HORMAD1: variants seen among roughly 807,000 people sequenced by gnomAD.
HORMAD1 encodes the protein HORMA domain-containing protein 1.
In HORMAD1, 33 loss-of-function variants were observed where a neutral mutation model predicts 58.2. That is an observed-to-expected ratio of 0.57 (90% CI 0.43 to 0.76). The LOEUF (loss-of-function observed/expected upper bound fraction) is 0.76. Among genes scored for constraint, HORMAD1 ranks in the 30% least tolerant of loss-of-function variants. The probability of loss-of-function intolerance (pLI) is 0.00; values close to 1 mark genes in which losing one functional copy is unlikely to be tolerated. For synonymous variants in HORMAD1, 137 were observed against 144.6 expected, an observed-to-expected ratio of 0.95 and a Z score of 0.38; for missense variants, 363 against 462.0, an observed-to-expected ratio of 0.79 and a Z score of 1.96.
chr1:150,700,692 C>T (rs969292061), intron 13 of HORMAD1, among the ~76,000 whole-genome samples: 2 of 152,166 alleles, frequency 1.3e-5, no homozygotes, highest in Non-Finnish European at 2.9e-5. Flanking sequence ...CCAGTTCTGA[C>T]TTTCAAATGA....
intron 6 of HORMAD1, 23 bp downstream of exon 6, chr1:150,711,810 A>G: frequency 6.5e-7 from 1 of 1,547,220 alleles, no homozygotes; most frequent in South Asian, 1.1e-5. Context: ...TAAAAAAAGA[A>G]CACACAATTT....
intron 12 of HORMAD1, 102 bp from the exon 13 acceptor site, chr1:150,703,495 T>A: frequency 1.6e-6 from 1 of 634,078 alleles, no homozygotes; most frequent in Non-Finnish European, 2.7e-6. Flanking sequence ...AAATTTAGGG[T>A]CTTGTCAAGT....
intron 5 of HORMAD1, among the ~76,000 whole-genome samples, chr1:150,713,062 T>C (rs587642169): frequency 6.6e-6 from 1 of 152,236 alleles, no homozygotes; most frequent in South Asian, 2.1e-4. Flanking sequence ...TTCTTTGCAT[T>C]TGCTGCTCTG....
chr1:150,703,852 A>G (rs1651606697), intron 12 of HORMAD1, among the ~76,000 whole-genome samples: 1 of 152,226 alleles, frequency 6.6e-6, no homozygotes, highest in South Asian at 2.1e-4. Context: ...GCAGGGTGGA[A>G]TAAATAACTG....
Position 150,708,948 on chromosome 1 carries a change from C to T in HORMAD1, c.341G>A (p.Cys114Tyr). Reference protein sequence around the residue: ...NPEDPQTISECYQFKFKYTNN... With the variant: ...NPEDPQTISEYYQFKFKYTNN... ...GGTGTATTTGAATTTGAATTGGTAA[C>T]ATTCTGAAATTGTCTTAAATAGAAA... The change falls in exon 8 of 15, where the codon TGT (cysteine) becomes TAT (tyrosine). Residue 114 changes from cysteine (C) to tyrosine (Y), a missense_variant. By Grantham distance (194) the Cys-to-Tyr change is radical. This residue lies in a region of HORMAD1 where 128 missense variants were observed against 171.8 expected (regional missense o/e 0.74). Transcript: ENST00000361824. The T allele has an allele frequency of 1.4e-6, 2 of 1,475,562 alleles. No individual in the cohort carries two copies. The highest frequency in any genetic ancestry group is 1.9e-6 in the Non-Finnish European group (2 of 1,054,134). 91.4% of individuals were successfully genotyped at this position (1,475,562 alleles called of 1,614,324 possible). A position where few individuals can be genotyped will look rare whatever the true frequency, so the allele number is the denominator to read the frequency against.
At chr1:150,717,563 G>T (rs1272887982) in intron 2 of HORMAD1, among the ~76,000 whole-genome samples, 1 of 151,820 alleles carries the variant, frequency 6.6e-6, no homozygotes, top group East Asian at 1.9e-4. Flanking sequence ...TATTGCCCAG[G>T]CTGGAGTGCA....
chr1:150,700,090 T>C (rs769318079), intron 14 of HORMAD1, 22 bp downstream of exon 14: 15 of 1,165,702 alleles, frequency 1.3e-5, no homozygotes, highest in East Asian at 1.2e-4. Context: ...GTATTCAAAC[T>C]ATACATTATC....
At chr1:150,702,619 T>C (rs1651570385) in intron 13 of HORMAD1, among the ~76,000 whole-genome samples, 1 of 152,068 alleles carries the variant, frequency 6.6e-6, no homozygotes, top group Non-Finnish European at 1.5e-5. Flanking sequence ...CTGGAAGCCA[T>C]TATCCTCAGC....
chr1:150,709,691 T>C (rs1404005424), intron 7 of HORMAD1, among the ~76,000 whole-genome samples: 1 of 151,776 alleles, frequency 6.6e-6, no homozygotes, highest in Non-Finnish European at 1.5e-5. Flanking sequence ...GCAGTTGAGA[T>C]AGAGGAAGGC....
chr1:150,709,884 T>G (rs773321417), intron 7 of HORMAD1, among the ~76,000 whole-genome samples: 1 of 152,246 alleles, frequency 6.6e-6, no homozygotes, highest in African/African-American at 2.4e-5. Flanking sequence ...CAAATCTGGC[T>G]TACGTGTACG....
At chr1:150,708,450 G>A (rs755881188) in intron 8 of HORMAD1, 43 bp from the exon 9 acceptor site, 2 of 1,290,108 alleles carry the variant, frequency 1.6e-6, no homozygotes, top group South Asian at 1.4e-5. Context: ...AAAACCTGTG[G>A]CTTCTAATAT....
intron 9 of HORMAD1, among the ~76,000 whole-genome samples, chr1:150,707,137 A>C (rs1651720636): frequency 6.6e-6 from 1 of 152,232 alleles, no homozygotes; most frequent in Non-Finnish European, 1.5e-5. Context: ...TGTTGAGAAG[A>C]GAACTGGCAC....
intron 13 of HORMAD1, among the ~76,000 whole-genome samples, chr1:150,702,748 G>C (rs1165689117): frequency 6.6e-6 from 1 of 152,154 alleles, no homozygotes; most frequent in South Asian, 2.1e-4. Context: ...CTGTCAGGGG[G>C]TTGGAGGGAG....
intron 9 of HORMAD1, among the ~76,000 whole-genome samples, chr1:150,707,208 C>T (rs1651722336): frequency 6.6e-6 from 1 of 152,128 alleles, no homozygotes; most frequent in Admixed American, 6.6e-5. Context: ...TTCTAGAAGA[C>T]ATGCATATAA....
At chr1:150,703,182 A>G in intron 13 of HORMAD1, 128 bp downstream of exon 13, 2 of 613,360 alleles carry the variant, frequency 3.3e-6, no homozygotes, top group Non-Finnish European at 5.8e-6. Context: ...CTAAGCACCT[A>G]GTAAAGTACC....
At chr1:150,708,691 C>T in intron 8 of HORMAD1, among the ~76,000 whole-genome samples, 1 of 152,192 alleles carries the variant, frequency 6.6e-6, no homozygotes, top group African/African-American at 2.4e-5. Flanking sequence ...AGTTCTCTTT[C>T]CACAATTAAA....
At chr1:150,706,133 T>C (rs1488313426) in intron 10 of HORMAD1, among the ~76,000 whole-genome samples, 3 of 152,286 alleles carry the variant, frequency 2.0e-5, no homozygotes, top group East Asian at 3.9e-4. Flanking sequence ...ACAGTGACTT[T>C]CCAGGCCCTA....
intron 14 of HORMAD1, 38 bp from the exon 15 acceptor site, chr1:150,698,772 C>A: frequency 8.7e-7 from 1 of 1,154,670 alleles, no homozygotes; most frequent in Non-Finnish European, 1.3e-6. Context: ...TAGATACTTT[C>A]CTGTTTAAAT....
chr1:150,702,501 A>T (rs2101844101), intron 13 of HORMAD1, among the ~76,000 whole-genome samples: 1 of 152,334 alleles, frequency 6.6e-6, no homozygotes, highest in African/African-American at 2.4e-5. Context: ...TATTCACAAT[A>T]GCAAAGACAG....
Sources: allele counts gnomAD v4.1 joint callset (sites outside exome capture counted in the v4.1 genomes callset), GRCh38; gene constraint gnomAD v4.1.1; regional missense constraint gnomAD v4.1.1; transcripts MANE v1.5; gene names NCBI Gene and HGNC (gene_info 2026-07-23, HGNC 2026-07-21).